The following FAM240B variants were observed in gnomAD, a reference collection of about 807,000 sequenced individuals.
FAM240B encodes the protein protein FAM240B.
intron 2 of FAM240B, among the ~76,000 whole-genome samples, chr9:38,698,520 A>C (rs55880729): frequency 0.034 from 5,237 of 152,322 alleles, 110 homozygotes; most frequent in Non-Finnish European, 0.049. Flanking sequence ...TATCAGTCAG[A>C]CTTGTAAACA....
At chr9:38,704,853 C>A (rs976248076) in intron 1 of FAM240B, among the ~76,000 whole-genome samples, 3 of 152,230 alleles carry the variant, frequency 2.0e-5, no homozygotes, top group Non-Finnish European at 4.4e-5. Context: ...GTGGCCATCA[C>A]TGAAAATGCA....
At chr9:38,715,904 C>A (rs1223556107) in intron 1 of FAM240B, among the ~76,000 whole-genome samples, 1 of 152,168 alleles carries the variant, frequency 6.6e-6, no homozygotes, top group East Asian at 1.9e-4. Flanking sequence ...AGAGAAAGCA[C>A]CACCCCTCCC....
At chr9:38,718,381 G>A (rs1320067828) in intron 1 of FAM240B, among the ~76,000 whole-genome samples, 2 of 152,180 alleles carry the variant, frequency 1.3e-5, no homozygotes, top group African/African-American at 2.4e-5. Flanking sequence ...GAATGTTTGT[G>A]GACTTAGCAG....
chr9:38,704,884 G>A (rs949596664), intron 1 of FAM240B, among the ~76,000 whole-genome samples: 1 of 152,144 alleles, frequency 6.6e-6, no homozygotes, highest in African/African-American at 2.4e-5. Flanking sequence ...TTTGAACCTA[G>A]GTCTGTCCAT....
chr9:38,707,601 T>C (rs1587591830), intron 1 of FAM240B, among the ~76,000 whole-genome samples: 1 of 132,042 alleles, frequency 7.6e-6, no homozygotes, highest in South Asian at 2.4e-4. Context: ...ACCCCGTCTC[T>C]ACTAAAAAAA....
At chr9:38,708,081 C>A (rs1821211341) in intron 1 of FAM240B, among the ~76,000 whole-genome samples, 1 of 152,054 alleles carries the variant, frequency 6.6e-6, no homozygotes, top group African/African-American at 2.4e-5. Flanking sequence ...ACATGCATTC[C>A]AAAAGGGTCC....
intron 2 of FAM240B, among the ~76,000 whole-genome samples, chr9:38,702,262 G>C (rs563616257): frequency 6.6e-6 from 1 of 152,218 alleles, no homozygotes; most frequent in East Asian, 1.9e-4. Flanking sequence ...TAGGCCACCA[G>C]GAGTGTGGCT....
intron 2 of FAM240B, among the ~76,000 whole-genome samples, chr9:38,702,135 G>A (rs1821135573): frequency 6.6e-6 from 1 of 152,150 alleles, no homozygotes; most frequent in African/African-American, 2.4e-5. Context: ...CAGGACTGGG[G>A]GACGGAAGAT....
intron 2 of FAM240B, among the ~76,000 whole-genome samples, chr9:38,697,989 T>C (rs1821086245): frequency 6.6e-6 from 1 of 152,262 alleles, no homozygotes; most frequent in South Asian, 2.1e-4. Flanking sequence ...TATTGAAATA[T>C]AGCCCTGCCC....
At position 38,694,806 on chromosome 9, in the gene FAM240B, C is replaced by T. The variant is rs1007335906; in HGVS notation, c.207G>A (p.Glu69=). 31 of 398,522 alleles carry T rather than the reference C, an allele frequency of 7.8e-5. No individual in the cohort carries two copies. Among genetic ancestry groups the T allele is most frequent in the Non-Finnish European group, 1.8e-5 (4 of 226,128 alleles). 24.7% of individuals were successfully genotyped at this position (398,522 alleles called of 1,614,324 possible). A position where few individuals can be genotyped will look rare whatever the true frequency, so the allele number is the denominator to read the frequency against. Residue 69 remains glutamate, a synonymous_variant, in exon 3 of 3, where the codon GAG becomes GAA. Transcript: ENST00000637493. The stretch of plus-strand genomic sequence containing the variant: ...CCGCGGTGTGTGCCGGCTTTTCCTT[C>T]TCAACAGGGTTGTCCAGCATCCTCA... ...RRLRMLDNPV[E]KEKPAHTAD
chr9:38,719,149 G>T (rs1821343860), intron 1 of FAM240B, among the ~76,000 whole-genome samples: 1 of 151,910 alleles, frequency 6.6e-6, no homozygotes, highest in South Asian at 2.1e-4. Flanking sequence ...GTATCTAGTT[G>T]CTTTGCACAT....
intron 1 of FAM240B, among the ~76,000 whole-genome samples, chr9:38,716,821 C>G (rs2119016026): frequency 1.3e-5 from 2 of 152,250 alleles, no homozygotes; most frequent in African/African-American, 4.8e-5. Flanking sequence ...AACTGACTTC[C>G]CAAAATAGCT....
chr9:38,714,652 C>T (rs1821289760), intron 1 of FAM240B, among the ~76,000 whole-genome samples: 1 of 152,220 alleles, frequency 6.6e-6, no homozygotes, highest in African/African-American at 2.4e-5. Flanking sequence ...CTCTATGATG[C>T]ACTTCTCCCA....
rs1821095424 is a variant in FAM240B, at chr9:38,699,126, G to T, written c.144-4257C>A. 2.0e-5 allele frequency among the ~76,000 whole-genome samples: 3 copies of T among 152,196 alleles called. No homozygotes were observed. In the South Asian group the frequency reaches 6.2e-4, roughly 31 times the overall value. The stretch of plus-strand genomic sequence containing the variant: ...GCCTCACTTTTCAAATTGAGACCAA[G>T]TAATGTTTACTATTTCTTGTTCTAG... On this transcript the variant is annotated intron_variant, in intron 2 of 2. Coordinates refer to ENST00000637493, the MANE Select transcript of FAM240B (RefSeq NM_001394922.1).
chr9:38,706,554 C>T (rs1046646788), intron 1 of FAM240B, among the ~76,000 whole-genome samples: 11 of 152,154 alleles, frequency 7.2e-5, no homozygotes, highest in African/African-American at 2.7e-4. Context: ...TAAATGACCC[C>T]CTTCCAAGAG....
intron 1 of FAM240B, among the ~76,000 whole-genome samples, chr9:38,715,869 G>A (rs897423319): frequency 2.0e-5 from 3 of 152,060 alleles, no homozygotes; most frequent in Non-Finnish European, 2.9e-5. Flanking sequence ...ACATAGAGTC[G>A]AAATAAAACA....
chr9:38,717,290 C>A (rs1361895449), intron 1 of FAM240B, among the ~76,000 whole-genome samples: 1 of 152,090 alleles, frequency 6.6e-6, no homozygotes, highest in Admixed American at 6.5e-5. Flanking sequence ...AAAGAGTTAA[C>A]AAAGTTTTGG....
At chr9:38,711,967 A>G (rs1821260904) in intron 1 of FAM240B, among the ~76,000 whole-genome samples, 1 of 152,080 alleles carries the variant, frequency 6.6e-6, no homozygotes, top group Non-Finnish European at 1.5e-5. Context: ...CCAAAATTCC[A>G]TCAGGCTACT....
At chr9:38,715,286 CTAAG>C (rs1210051874) in intron 1 of FAM240B, among the ~76,000 whole-genome samples, 1 of 152,228 alleles carries the variant, frequency 6.6e-6, no homozygotes, top group Non-Finnish European at 1.5e-5. Context: ...GTTACTTGAA[CTAAG>C]TTTCTGTTTT....
Sources: allele counts gnomAD v4.1 joint callset (sites outside exome capture counted in the v4.1 genomes callset), GRCh38; gene constraint gnomAD v4.1.1; transcripts MANE v1.5; gene names NCBI Gene and HGNC (gene_info 2026-07-23, HGNC 2026-07-21).